TF: variants seen among roughly 807,000 people sequenced by gnomAD.
TF encodes serotransferrin.
A neutral mutation model predicts 82.4 loss-of-function variants in TF; 55 were observed. The ratio of observed to expected loss-of-function variants is 0.67; its 90% confidence interval spans 0.54 to 0.84. The LOEUF (loss-of-function observed/expected upper bound fraction) is 0.84. Among genes scored for constraint, TF ranks in the 40% least tolerant of loss-of-function variants. The pLI is 0.00. For missense variants in TF, 737 were observed against 868.4 expected, an observed-to-expected ratio of 0.85 and a Z score of 1.90; for synonymous variants, 332 against 332.6, an observed-to-expected ratio of 1.00 and a Z score of 0.02.
the TF span, among the ~76,000 whole-genome samples, chr3:133,736,232 T>A: frequency 6.6e-6 from 1 of 152,030 alleles, no homozygotes; most frequent in Non-Finnish European, 1.5e-5. Context: ...AGAAATAAAA[T>A]CCTTTACAGA....
At chr3:133,719,172 A>G in the TF span, among the ~76,000 whole-genome samples, 4 of 152,348 alleles carry the variant, frequency 2.6e-5, no homozygotes, top group South Asian at 2.1e-4. Flanking sequence ...AATCCTGAGT[A>G]GACATATAGG....
the TF span, among the ~76,000 whole-genome samples, chr3:133,715,253 C>T: frequency 6.6e-6 from 1 of 152,152 alleles, no homozygotes; most frequent in Non-Finnish European, 1.5e-5. Flanking sequence ...ACTTCTTCCC[C>T]CACCTTTCAT....
At chr3:133,709,011 T>C in the TF span, among the ~76,000 whole-genome samples, 4 of 152,256 alleles carry the variant, frequency 2.6e-5, no homozygotes, top group Admixed American at 1.3e-4. Context: ...GGAGACCTAC[T>C]ACCTGCAAGA....
rs1029630340 is a variant in TF at position 133,788,048 on chromosome 3, C to T, written c.*9428C>T. 1 of 152,112 alleles carries T rather than the reference C, an allele frequency of 6.6e-6. No individual in the cohort carries two copies. Among genetic ancestry groups the T allele is most frequent in the Non-Finnish European group, 1.5e-5 (1 of 68,024 alleles). 9.4% of individuals were successfully genotyped at this position (152,112 alleles called of 1,614,324 possible). On this transcript the variant is annotated 3_prime_UTR_variant, in exon 17 of 17. Transcript: ENST00000402696. ...GATCAGAATATTCCTATTTAGAAGA[C>T]AGTTTAAGATAAACCATGTGTGTAG... is the stretch of plus-strand genomic sequence containing the variant.
At chr3:133,766,836 C>A (rs1375132121) in intron 12 of TF, among the ~76,000 whole-genome samples, 1 of 152,124 alleles carries the variant, frequency 6.6e-6, no homozygotes, top group African/African-American at 2.4e-5. Context: ...ATCCAGGCAG[C>A]CCCAGTCACC....
chr3:133,748,132 A>G, intron 1 of TF: 1 of 500,524 alleles, frequency 2.0e-6, no homozygotes, highest in Non-Finnish European at 3.7e-6. Flanking sequence ...AGGCGGATAC[A>G]GAGGAGCAGA....
In TF at chr3:133,793,987, A is replaced by G. The variant is rs1228801184; in HGVS notation, c.*15367A>G. 6.6e-6 allele frequency: 1 copy of G among 152,248 alleles called. No individual in the cohort carries two copies. Among genetic ancestry groups the G allele is most frequent in the African/African-American group, 2.4e-5 (1 of 41,480 alleles). 9.4% of individuals were successfully genotyped at this position (152,248 alleles called of 1,614,324 possible). A position where few individuals can be genotyped will look rare whatever the true frequency, so the allele number is the denominator to read the frequency against. ...CTTTGCCAGATTTTCATGCTAAATC[A>G]GCTGATACTGAAACTGTTTAGATAT... On this transcript the variant is annotated 3_prime_UTR_variant, in exon 17 of 17. Coordinates refer to ENST00000402696, the MANE Select transcript of TF (RefSeq NM_001063.4).
At chr3:133,735,215 C>T in the TF span, among the ~76,000 whole-genome samples, 27 of 152,046 alleles carry the variant, frequency 1.8e-4, no homozygotes, top group East Asian at 4.6e-3. Context: ...GTGGCAGGTG[C>T]CTGTAATCCC....
In TF at chr3:133,757,004, G is replaced by A. The variant is rs1289320184; in HGVS notation, c.865G>A (p.Ala289Thr). 2.5e-6 allele frequency: 4 copies of A among 1,614,148 alleles called. No individual in the cohort carries two copies. Among genetic ancestry groups the A allele is most frequent in the Non-Finnish European group, 3.4e-6 (4 of 1,180,038 alleles). ...CTTGATCTGGGAGCTTCTCAACCAG[G>A]CCCAGGTATCCCCACCTGCCATCCT... ...EDLIWELLNQ[A>T]QEHFGKDKSK... is the part of the protein sequence containing the mutation. Residue 289 changes from alanine (A) to threonine (T), a missense_variant, in exon 7 of 17, where the codon GCC (alanine) becomes ACC (threonine). Ala to Thr is a moderately conservative substitution (Grantham distance 58). Coordinates refer to ENST00000402696, the MANE Select transcript of TF (RefSeq NM_001063.4).
intron 1 of TF, chr3:133,747,055 G>A (rs1481687706): frequency 6.2e-6 from 1 of 160,886 alleles, no homozygotes; most frequent in Admixed American, 5.9e-5. Flanking sequence ...ACCAGTGGCA[G>A]ATGTTGCACA....
upstream of TF, among the ~76,000 whole-genome samples, chr3:133,742,914 T>C (rs1933419475): frequency 6.6e-6 from 1 of 152,196 alleles, no homozygotes. Flanking sequence ...ATTTGAGAGT[T>C]TTGCCCTGTT....
intron 11 of TF, among the ~76,000 whole-genome samples, chr3:133,765,122 G>A (rs1670000330): frequency 6.6e-6 from 1 of 152,138 alleles, no homozygotes; most frequent in Non-Finnish European, 1.5e-5. Context: ...CTATAAGGTA[G>A]GTTTTGGCAT....
the TF span, among the ~76,000 whole-genome samples, chr3:133,680,858 C>T: frequency 0.53 from 80,370 of 151,922 alleles, 22,144 homozygotes; most frequent in African/African-American, 0.69. Flanking sequence ...AAATATTAAG[C>T]TGAACTCCAG....
At chr3:133,700,005 T>C in the TF span, 1 of 175,262 alleles carries the variant, frequency 5.7e-6, no homozygotes, top group Non-Finnish European at 1.2e-5. Context: ...GCCAACGCTC[T>C]CTCCTTAGCA....
chr3:133,728,072 C>G, the TF span, among the ~76,000 whole-genome samples: 12 of 152,212 alleles, frequency 7.9e-5, no homozygotes, highest in Non-Finnish European at 1.0e-4. Flanking sequence ...ACCTTTCTCC[C>G]TGGCTATCCT....
At chr3:133,742,304 G>T (rs1018576101), upstream of TF, among the ~76,000 whole-genome samples, 10 of 152,114 alleles carry the variant, frequency 6.6e-5, no homozygotes, top group African/African-American at 2.4e-4. Flanking sequence ...ATGTTTGATG[G>T]AATTCATTCC....
At chr3:133,719,746 A>G in the TF span, among the ~76,000 whole-genome samples, 3 of 152,170 alleles carry the variant, frequency 2.0e-5, no homozygotes, top group Non-Finnish European at 4.4e-5. Flanking sequence ...ATCCATGAAC[A>G]TGGGATGTCT....
chr3:133,694,277 C>G, the TF span: 4 of 152,858 alleles, frequency 2.6e-5, no homozygotes, highest in African/African-American at 9.6e-5. Flanking sequence ...ATTTCCCTCG[C>G]CTGTGTCAAC....
chr3:133,666,904 C>T, the TF span, among the ~76,000 whole-genome samples: 14 of 152,128 alleles, frequency 9.2e-5, no homozygotes, highest in Non-Finnish European at 1.9e-4. Context: ...GGCGTGGTGG[C>T]GGGCGCCTGT....
Sources: gnomAD v4.1 joint callset for allele counts (sites outside exome capture counted in the v4.1 genomes callset) on GRCh38, gnomAD v4.1.1 for gene constraint, MANE v1.5 for transcripts, NCBI Gene and HGNC (gene_info 2026-07-23, HGNC 2026-07-21) for gene names.